PUDP: variants seen among roughly 807,000 people sequenced by gnomAD.
The protein encoded by PUDP is pseudouridine 5'-phosphatase, also known as pseudouridine-5'-phosphatase.
Under a neutral mutation model 9.4 loss-of-function variants are expected in PUDP, and 8 were observed. That is an observed-to-expected ratio of 0.85 (90% CI 0.50 to 1.53). The LOEUF is 1.53. PUDP is among the 40% of genes most tolerant of loss of function. PUDP has a pLI of 0.00. For synonymous variants in PUDP, 99 were observed against 80.7 expected (o/e 1.23, Z -1.22); for missense variants, 188 against 189.7 (o/e 0.99, Z 0.05).
intron 1 of PUDP, among the ~76,000 whole-genome samples, chrX:7,009,493 T>G (rs1291383680): frequency 8.9e-6 from 1 of 112,496 alleles, no homozygotes; most frequent in Non-Finnish European, 1.9e-5. Flanking sequence ...AATTAATTCT[T>G]CGGCCATACA....
At chrX:6,818,645 G>T (rs1318275919) in intron 3 of PUDP, among the ~76,000 whole-genome samples, 1 of 111,939 alleles carries the variant, frequency 8.9e-6, no homozygotes, top group African/African-American at 3.2e-5. Context: ...CTTACCTTGG[G>T]TGTCTATATA....
chrX:6,748,781 A>T lies in PUDP; in HGVS notation c.*248-42315T>A, dbSNP rs1248869222. Among the ~76,000 whole-genome samples the T allele has an allele frequency of 2.7e-5, 3 of 112,125 alleles. No homozygotes were observed. In the East Asian group the frequency reaches 8.4e-4, roughly 31 times the overall value. On this transcript the variant is annotated intron_variant and NMD_transcript_variant, in intron 3 of 3. Coordinates refer to the PUDP transcript ENST00000655425. ...AAATTCTGAAAGTAGAATAAGTAGG[A>T]AGTGAAAAAGTTGTGACAGTAGGTG...
At position 6,862,680 on chromosome X, in the gene PUDP, T is replaced by C. The variant is rs57788264; in HGVS notation, c.*247+114453A>G. Among the ~76,000 whole-genome samples the C allele has an allele frequency of 6.3e-3, 708 of 111,997 alleles. 7 individuals are homozygous for C. Among genetic ancestry groups the C allele is most frequent in the African/African-American group, 0.021 (662 of 30,874 alleles). Reference sequence around the variant, plus strand: ...CCCAAAGGTTAACTTGGAGAGTATATAGGCATGAAGCACAGCCATTACTAT... The same window carrying C: ...CCCAAAGGTTAACTTGGAGAGTATACAGGCATGAAGCACAGCCATTACTAT... On this transcript the variant is annotated intron_variant and NMD_transcript_variant, in intron 3 of 3. Coordinates refer to the PUDP transcript ENST00000655425.
chrX:6,805,679 G>A (rs957248844), intron 3 of PUDP, among the ~76,000 whole-genome samples: 1 of 108,209 alleles, frequency 9.2e-6, no homozygotes, highest in Admixed American at 9.9e-5. Context: ...ACAACTACAC[G>A]GGGCTAATTT....
At chrX:6,948,412 T>C (rs1384570441) in intron 3 of PUDP, among the ~76,000 whole-genome samples, 1 of 112,013 alleles carries the variant, frequency 8.9e-6, no homozygotes, top group Non-Finnish European at 1.9e-5. Context: ...TGGTCTCTTT[T>C]GCTCGCTTCC....
chrX:6,749,205 G>A (rs1925036222), intron 3 of PUDP, among the ~76,000 whole-genome samples: 1 of 112,220 alleles, frequency 8.9e-6, no homozygotes, highest in Admixed American at 9.5e-5. Flanking sequence ...GAGACGAATT[G>A]GAGTATGTTG....
chrX:7,076,189 T>C (rs1342392137), intron 3 of PUDP, among the ~76,000 whole-genome samples: 3 of 112,095 alleles, frequency 2.7e-5, no homozygotes, highest in Non-Finnish European at 5.6e-5. Context: ...ACTACTCCGG[T>C]AGCTCCGCTT....
intron 3 of PUDP, among the ~76,000 whole-genome samples, chrX:6,908,915 C>T (rs758951097): frequency 1.2e-4 from 13 of 111,528 alleles, no homozygotes; most frequent in Non-Finnish European, 1.9e-4. Context: ...CACCAGAAGC[C>T]GATAGCTGTA....
chrX:7,002,143 A>G (rs1929334799), intron 1 of PUDP, among the ~76,000 whole-genome samples: 1 of 111,879 alleles, frequency 8.9e-6, no homozygotes, highest in South Asian at 3.7e-4. Context: ...AAAAAAATAA[A>G]GAAAATACCT....
At chrX:6,825,890 C>T (rs749067355) in intron 3 of PUDP, among the ~76,000 whole-genome samples, 93 of 111,743 alleles carry the variant, frequency 8.3e-4, no homozygotes, top group African/African-American at 2.9e-3. Flanking sequence ...CTAAGACCCA[C>T]TCCAAAGAAG....
At chrX:6,714,995 G>A (rs747109126) in intron 1 of PUDP, among the ~76,000 whole-genome samples, 3 of 101,230 alleles carry the variant, frequency 3.0e-5, no homozygotes, top group Non-Finnish European at 6.2e-5. Flanking sequence ...ATATATATAT[G>A]TGTGTGTGTG....
Position 6,865,840 on chromosome X carries a change from C to T in PUDP, c.*247+111293G>A, listed in dbSNP as rs1261131035. 2.7e-5 allele frequency among the ~76,000 whole-genome samples: 3 copies of T among 111,304 alleles called. No homozygotes were observed. The Admixed American group carries it at 2.9e-4, about 11-fold the overall frequency. Reference sequence around the variant, plus strand: ...TGAGGGTTTAGAAATAAATTTATAGCTCACAGTAAAATAGGACATCATATC... The same window carrying T: ...TGAGGGTTTAGAAATAAATTTATAGTTCACAGTAAAATAGGACATCATATC... On this transcript the variant is annotated intron_variant and NMD_transcript_variant, in intron 3 of 3. Transcript: ENST00000655425.
At chrX:6,779,596 C>T (rs7055971) in intron 3 of PUDP, among the ~76,000 whole-genome samples, 13 of 110,839 alleles carry the variant, frequency 1.2e-4, no homozygotes, top group African/African-American at 4.3e-4. Context: ...CTTGACATAA[C>T]GGCATTGCAG....
chrX:6,908,984 TG>T (rs1190893435), intron 3 of PUDP, among the ~76,000 whole-genome samples: 1 of 111,190 alleles, frequency 9.0e-6, no homozygotes, highest in Non-Finnish European at 1.9e-5. Flanking sequence ...GATGAGAGCT[TG>T]GGAGTCTCTA....
At chrX:6,778,922 T>G (rs1003600062) in intron 3 of PUDP, among the ~76,000 whole-genome samples, 1 of 112,253 alleles carries the variant, frequency 8.9e-6, no homozygotes, top group Non-Finnish European at 1.9e-5. Flanking sequence ...TGTCAAAGAC[T>G]GATCAAGAAT....
chrX:7,073,642 AGTACAAAACCAGGGCT>A (rs1159410777), intron 3 of PUDP, among the ~76,000 whole-genome samples: 1 of 112,817 alleles, frequency 8.9e-6, no homozygotes, highest in Non-Finnish European at 1.9e-5. Flanking sequence ...ACAAATGCCA[AGTACAAAACCAGGGCT>A]GCTTCCCTGA....
chrX:6,772,042 G>T (rs1205759430), intron 3 of PUDP, among the ~76,000 whole-genome samples: 1 of 112,218 alleles, frequency 8.9e-6, no homozygotes, highest in Non-Finnish European at 1.9e-5. Flanking sequence ...TTCTATTCAG[G>T]AATTAAAACC....
intron 1 of PUDP, among the ~76,000 whole-genome samples, chrX:6,990,129 G>GCA (rs373150266): frequency 0.033 from 3,522 of 106,995 alleles, 149 homozygotes; most frequent in African/African-American, 0.11. Flanking sequence ...AGGCGCGCAT[G>GCA]CACACACACA....
chrX:6,846,342 G>A (rs780980719), intron 3 of PUDP, among the ~76,000 whole-genome samples: 2 of 107,636 alleles, frequency 1.9e-5, no homozygotes, highest in Admixed American at 9.9e-5. Flanking sequence ...CCCGAGAGGC[G>A]GAGCTTGCAG....
Sources: allele counts gnomAD v4.1 joint callset (sites outside exome capture counted in the v4.1 genomes callset), GRCh38; gene constraint gnomAD v4.1.1; transcripts MANE v1.5; gene names NCBI Gene and HGNC (gene_info 2026-07-23, HGNC 2026-07-21).